EDNRB: variants seen among roughly 807,000 people sequenced by gnomAD.
EDNRB encodes Hirschsprung disease 2.
A neutral mutation model predicts 46.4 loss-of-function variants in EDNRB; 18 were observed. The ratio of observed to expected loss-of-function variants is 0.39; its 90% CI spans 0.27 to 0.57. The LOEUF is 0.57. Among genes scored for constraint, EDNRB ranks in the 20% least tolerant of loss-of-function variants. EDNRB has a pLI of 0.61. For synonymous variants in EDNRB, 213 were observed against 204.9 expected (o/e 1.04, Z -0.34); for missense variants, 434 against 537.5 (o/e 0.81, Z 1.90).
At chr13:77,945,901 A>AAAAAAAAAAAAAAAAAAAAAAAAAAC (rs1391892820) in intron 1 of EDNRB, among the ~76,000 whole-genome samples, 2 of 150,710 alleles carry the variant, frequency 1.3e-5, no homozygotes, top group Non-Finnish European at 1.5e-5. Context: ...AAACAAAAAA[A>AAAAAAAAAAAAAAAAAAAAAAAAAAC]ACACACAATC....
At chr13:77,952,792 C>G (rs1458264747) in intron 1 of EDNRB, among the ~76,000 whole-genome samples, 14 of 152,118 alleles carry the variant, frequency 9.2e-5, no homozygotes, top group Non-Finnish European at 2.1e-4. Flanking sequence ...TTGTATTGCT[C>G]TGTAGATTGA....
intron 1 of EDNRB, among the ~76,000 whole-genome samples, chr13:77,943,875 A>T (rs1229879715): frequency 1.3e-5 from 2 of 152,070 alleles, no homozygotes; most frequent in African/African-American, 4.8e-5. Context: ...ACAAATTCAG[A>T]TACCAGCACT....
intron 1 of EDNRB, among the ~76,000 whole-genome samples, chr13:77,942,332 A>G (rs565903612): frequency 6.6e-6 from 1 of 152,328 alleles, no homozygotes; most frequent in South Asian, 2.1e-4. Flanking sequence ...ACCTCATTTA[A>G]TCTTCACAAC....
At chr13:77,945,236 TC>T (rs1880871663) in intron 1 of EDNRB, among the ~76,000 whole-genome samples, 1 of 152,180 alleles carries the variant, frequency 6.6e-6, no homozygotes, top group Non-Finnish European at 1.5e-5. Flanking sequence ...TACAGAACTT[TC>T]TTGCTATTGC....
upstream of EDNRB, chr13:77,919,468 G>T (rs899465995): frequency 6.2e-7 from 1 of 1,612,758 alleles, no homozygotes; most frequent in Non-Finnish European, 8.5e-7. Flanking sequence ...AACCCAGCTG[G>T]GTTCCAGCCT....
upstream of EDNRB, chr13:77,919,793 A>G: frequency 1.7e-6 from 1 of 604,706 alleles, no homozygotes; most frequent in South Asian, 2.3e-5. Context: ...TACGCTCTTC[A>G]AATGAACCCA....
intron 1 of EDNRB, among the ~76,000 whole-genome samples, chr13:77,956,405 G>C (rs183315261): frequency 6.6e-6 from 1 of 151,798 alleles, no homozygotes; most frequent in Non-Finnish European, 1.5e-5. Context: ...GCATCCCATC[G>C]CTTTTTTTGT....
chr13:77,901,676 A>C (rs1878993815), intron 3 of EDNRB, among the ~76,000 whole-genome samples: 1 of 152,000 alleles, frequency 6.6e-6, no homozygotes, highest in Non-Finnish European at 1.5e-5. Context: ...ATATAAATCT[A>C]ACCTCGCAAA....
At chr13:77,931,761 C>CA (rs1424831945) in intron 1 of EDNRB, among the ~76,000 whole-genome samples, 3,312 of 97,426 alleles carry the variant, frequency 0.034, 111 homozygotes, top group African/African-American at 0.092. Context: ...AAAAAAAAAA[C>CA]AAAAAAAAAA....
At chr13:77,963,165 T>G (rs767942907) in intron 1 of EDNRB, among the ~76,000 whole-genome samples, 43 of 152,114 alleles carry the variant, frequency 2.8e-4, no homozygotes, top group Admixed American at 5.9e-4. Flanking sequence ...TGGATAAGAA[T>G]AATCAATATC....
At chr13:77,970,912 C>T (rs1483980785) in intron 1 of EDNRB, among the ~76,000 whole-genome samples, 1 of 152,164 alleles carries the variant, frequency 6.6e-6, no homozygotes, top group Non-Finnish European at 1.5e-5. Flanking sequence ...CCTTACTGCA[C>T]AAGTCCAAAT....
chr13:77,900,024 CATT>C (rs1188370851), intron 5 of EDNRB, 57 bp from the exon 6 acceptor site: 1 of 1,433,946 alleles, frequency 7.0e-7, no homozygotes, highest in Non-Finnish European at 9.8e-7. Flanking sequence ...AACATGTAGT[CATT>C]GTAGCTTCTG....
chr13:77,897,542 G>T lies in EDNRB; in HGVS notation c.*658C>A. Reference sequence around the variant, plus strand: ...GTTACATGCTGCTTGTTTGTGACATGTTGGTTACATATTGCAGAATGCTGA... The same window carrying T: ...GTTACATGCTGCTTGTTTGTGACATTTTGGTTACATATTGCAGAATGCTGA... On this transcript the variant is annotated 3_prime_UTR_variant, in exon 7 of 7. Transcript: ENST00000646607. 1.0e-6 allele frequency: 1 copy of T among 983,732 alleles called. No homozygotes were observed. 60.9% of individuals were successfully genotyped at this position (983,732 alleles called of 1,614,324 possible).
intron 1 of EDNRB, among the ~76,000 whole-genome samples, chr13:77,974,907 T>G (rs9574129): frequency 0.53 from 80,296 of 151,828 alleles, 22,211 homozygotes; most frequent in Non-Finnish European, 0.63. Flanking sequence ...TTCAACATAG[T>G]TCCTAGTAGG....
chr13:77,898,254 A>G lies in EDNRB; in HGVS notation c.1275T>C (p.Ala425=). Residue 425 remains alanine, a synonymous_variant, in exon 7 of 7, where the codon GCT becomes GCC. Coordinates refer to ENST00000646607, the MANE Select transcript of EDNRB (RefSeq NM_001122659.3). ...EEKQSCLKFK[A]NDHGYDNFRS... The stretch of plus-strand genomic sequence containing the variant: ...GGAAGTTGTCATATCCGTGATCATT[A>G]GCTTTGAACTTTAAGCACGACTGCT... The G allele has an allele frequency of 6.2e-7, 1 of 1,612,192 alleles. No individual in the cohort carries two copies. The highest frequency in any genetic ancestry group is 8.5e-7 in the Non-Finnish European group (1 of 1,178,862).
intron 1 of EDNRB, among the ~76,000 whole-genome samples, chr13:77,936,383 T>A (rs1880565326): frequency 6.7e-6 from 1 of 150,358 alleles, no homozygotes; most frequent in Non-Finnish European, 1.5e-5. Flanking sequence ...AGTTGGGGAG[T>A]TTTAAGAGGT....
intron 1 of EDNRB, among the ~76,000 whole-genome samples, chr13:77,967,317 A>G (rs976596839): frequency 6.6e-5 from 10 of 152,154 alleles, no homozygotes; most frequent in African/African-American, 2.2e-4. Flanking sequence ...GGAGTGCCAC[A>G]TGACTCAATG....
intron 1 of EDNRB, among the ~76,000 whole-genome samples, chr13:77,964,834 A>C (rs1881536133): frequency 6.6e-6 from 1 of 152,162 alleles, no homozygotes; most frequent in African/African-American, 2.4e-5. Flanking sequence ...CAGATTTGCT[A>C]ATCCTCTCTG....
chr13:77,926,478 T>G (rs188193412), intron 1 of EDNRB, among the ~76,000 whole-genome samples: 2 of 152,222 alleles, frequency 1.3e-5, no homozygotes, highest in Middle Eastern at 3.2e-3. Flanking sequence ...GCTGCCAGTC[T>G]CTTTGCTAAA....
Sources: allele counts gnomAD v4.1 joint callset (sites outside exome capture counted in the v4.1 genomes callset), GRCh38; gene constraint gnomAD v4.1.1; transcripts MANE v1.5; gene names NCBI Gene and HGNC (gene_info 2026-07-23, HGNC 2026-07-21).